CDH8: variants seen among roughly 807,000 people sequenced by gnomAD.
CDH8 encodes the protein cadherin 8, also known as cadherin-8.
CDH8 carries 17 observed loss-of-function variants against 68.1 expected under a neutral mutation model. That is an observed-to-expected ratio of 0.25 (90% CI 0.17 to 0.37). CDH8 has a LOEUF of 0.37. CDH8 is among the 10% of genes least tolerant of loss of function. CDH8 has a pLI of 1.00. For synonymous variants in CDH8, 372 were observed against 365.1 expected, an observed-to-expected ratio of 1.02 and a Z score of -0.21; for missense variants, 763 against 999.3, an observed-to-expected ratio of 0.76 and a Z score of 3.19.
intron 8 of CDH8, among the ~76,000 whole-genome samples, chr16:61,751,793 G>T (rs1266508539): frequency 6.6e-6 from 1 of 151,980 alleles, no homozygotes; most frequent in African/African-American, 2.4e-5. Context: ...GGACTTTCTA[G>T]TTCAAATATT....
At chr16:61,694,049 G>A (rs1964281900) in intron 10 of CDH8, among the ~76,000 whole-genome samples, 1 of 152,108 alleles carries the variant, frequency 6.6e-6, no homozygotes. Flanking sequence ...GAGGCACTAG[G>A]ACTTTAAATC....
chr16:61,781,911 T>C lies in CDH8; in HGVS notation c.1414+7435A>G, dbSNP rs555536506. The stretch of plus-strand genomic sequence containing the variant: ...ATGTTACAAGGAGAAACTGCCGTGA[T>C]GGTAAGACACTAGGGAAGAAAATAG... On this transcript the variant is annotated intron_variant, in intron 8 of 11. Coordinates refer to ENST00000577390, the MANE Select transcript of CDH8 (RefSeq NM_001796.5). Among the ~76,000 whole-genome samples, 135 of 152,284 alleles carry C rather than the reference T, an allele frequency of 8.9e-4. 1 individual carries two copies. Among genetic ancestry groups the C allele is most frequent in the African/African-American group, 3.0e-3 (125 of 41,568 alleles).
At chr16:61,752,824 G>A (rs1960203771) in intron 8 of CDH8, among the ~76,000 whole-genome samples, 1 of 152,140 alleles carries the variant, frequency 6.6e-6, no homozygotes, top group South Asian at 2.1e-4. Flanking sequence ...TGCCCTTGAA[G>A]GCATTAAGCT....
At chr16:61,981,693 C>CGT (rs575029388) in intron 2 of CDH8, among the ~76,000 whole-genome samples, 1,857 of 151,316 alleles carry the variant, frequency 0.012, 38 homozygotes, top group African/African-American at 0.042. Context: ...CGCGCGCGCG[C>CGT]GTGCGCTTGG....
intron 2 of CDH8, among the ~76,000 whole-genome samples, chr16:61,971,406 C>T (rs528813160): frequency 1.3e-5 from 2 of 152,112 alleles, no homozygotes; most frequent in African/African-American, 4.8e-5. Context: ...GCTCACAGAA[C>T]TCCAGGAAAC....
At chr16:61,905,045 C>T (rs1964040131) in intron 2 of CDH8, among the ~76,000 whole-genome samples, 1 of 152,232 alleles carries the variant, frequency 6.6e-6, no homozygotes, top group Admixed American at 6.5e-5. Flanking sequence ...CATCTGGAAA[C>T]CAAATTCCCA....
chr16:61,892,240 T>A, intron 3 of CDH8, among the ~76,000 whole-genome samples: 1 of 152,212 alleles, frequency 6.6e-6, no homozygotes, highest in Non-Finnish European at 1.5e-5. Context: ...TAAATTAACA[T>A]GTGGCCTTTC....
chr16:61,774,940 C>T (rs938856311), intron 8 of CDH8, among the ~76,000 whole-genome samples: 2 of 152,126 alleles, frequency 1.3e-5, no homozygotes, highest in African/African-American at 4.8e-5. Flanking sequence ...CTAACACTTA[C>T]AGTAGCTTGT....
At chr16:61,934,505 G>A (rs976369591) in intron 2 of CDH8, among the ~76,000 whole-genome samples, 1 of 152,050 alleles carries the variant, frequency 6.6e-6, no homozygotes, top group Non-Finnish European at 1.5e-5. Context: ...CATTTCCTAT[G>A]GTATATATGC....
chr16:62,021,386 C>A lies in CDH8; in HGVS notation c.18G>T (p.Ala6=). 6.2e-7 allele frequency: 1 copy of A among 1,610,120 alleles called. No individual in the cohort carries two copies. Among genetic ancestry groups the A allele is most frequent in the Non-Finnish European group, 8.5e-7 (1 of 1,177,056 alleles). Reference sequence around the variant, plus strand: ...GAGTCCAGAGATCCAAGAGCATTTCCGCTAGCCGTTCTGGCATGGTCCCAC... The same window carrying A: ...GAGTCCAGAGATCCAAGAGCATTTCAGCTAGCCGTTCTGGCATGGTCCCAC... MPERL[A]EMLLDLWTPL... Residue 6 remains alanine, a synonymous_variant, in exon 2 of 12, where the codon GCG becomes GCT. Coordinates refer to ENST00000577390, the MANE Select transcript of CDH8 (RefSeq NM_001796.5).
intron 2 of CDH8, among the ~76,000 whole-genome samples, chr16:61,995,665 T>C (rs1967269): frequency 0.62 from 94,453 of 152,100 alleles, 29,641 homozygotes; most frequent in East Asian, 0.76. Flanking sequence ...GCGTGAGCCA[T>C]GGCTCCCGGC....
In CDH8 at chr16:61,653,507, A is replaced by T. The variant is rs1338565547; in HGVS notation, c.*101T>A. 1.3e-6 allele frequency: 2 copies of T among 1,507,094 alleles called. No individual in the cohort carries two copies. Among genetic ancestry groups the T allele is most frequent in the Non-Finnish European group, 1.8e-6 (2 of 1,129,996 alleles). 93.4% of individuals were successfully genotyped at this position (1,507,094 alleles called of 1,614,324 possible). On this transcript the variant is annotated 3_prime_UTR_variant, in exon 12 of 12. Coordinates refer to ENST00000577390, the MANE Select transcript of CDH8 (RefSeq NM_001796.5). ...TGAGTTTATAGATGACTGGTGCTAAACTTGCCTCTAAAACAAATAGCCACA... is the reference window on the plus strand; with the variant it reads ...TGAGTTTATAGATGACTGGTGCTAATCTTGCCTCTAAAACAAATAGCCACA...
intron 2 of CDH8, among the ~76,000 whole-genome samples, chr16:61,956,212 T>G (rs1384845211): frequency 6.6e-6 from 1 of 152,136 alleles, no homozygotes; most frequent in African/African-American, 2.4e-5. Flanking sequence ...ATACATTCAC[T>G]TTTTAAGAAT....
chr16:62,020,491 C>T (rs200960663), intron 2 of CDH8, among the ~76,000 whole-genome samples: 895 of 86,088 alleles, frequency 0.01, 4 homozygotes, highest in South Asian at 0.022. Context: ...CACACACACG[C>T]GCGCGCGCAC....
intron 1 of CDH8, among the ~76,000 whole-genome samples, chr16:62,035,680 G>T (rs1221953580): frequency 6.6e-6 from 1 of 152,262 alleles, no homozygotes; most frequent in East Asian, 2.0e-4. Flanking sequence ...GGCTGCAGGT[G>T]CTTCCCATTC....
At chr16:61,825,906 T>G (rs1244819097) in intron 4 of CDH8, among the ~76,000 whole-genome samples, 1 of 151,962 alleles carries the variant, frequency 6.6e-6, no homozygotes, top group Non-Finnish European at 1.5e-5. Flanking sequence ...CTGATATATA[T>G]TCAGCGTTTC....
At chr16:61,902,249 A>C (rs1282403876) in intron 2 of CDH8, among the ~76,000 whole-genome samples, 1 of 152,104 alleles carries the variant, frequency 6.6e-6, no homozygotes, top group Non-Finnish European at 1.5e-5. Context: ...ATTTTTGGTC[A>C]TAGCAATGAA....
chr16:62,002,836 G>C (rs563954160), intron 2 of CDH8, among the ~76,000 whole-genome samples: 2 of 152,234 alleles, frequency 1.3e-5, no homozygotes, highest in South Asian at 4.1e-4. Flanking sequence ...GGCGGATCAC[G>C]AGGTCAGGAA....
At chr16:61,777,384 A>T (rs1438097292) in intron 8 of CDH8, among the ~76,000 whole-genome samples, 1 of 152,096 alleles carries the variant, frequency 6.6e-6, no homozygotes, top group African/African-American at 2.4e-5. Flanking sequence ...TCTATATTTT[A>T]TCTATAGTTG....
Sources: allele counts gnomAD v4.1 joint callset (sites outside exome capture counted in the v4.1 genomes callset), GRCh38; gene constraint gnomAD v4.1.1; transcripts MANE v1.5; gene names NCBI Gene and HGNC (gene_info 2026-07-23, HGNC 2026-07-21).